The following RFC3 variants were observed in gnomAD, a reference collection of about 807,000 sequenced individuals.
RFC3 encodes the protein replication factor C subunit 3.
Under a neutral mutation model 45.1 loss-of-function variants are expected in RFC3, and 41 were observed. That is an observed-to-expected ratio of 0.91 (90% CI 0.71 to 1.18). RFC3 has a LOEUF of 1.18. RFC3 is among the 50% of genes most tolerant of loss of function. The probability of loss-of-function intolerance (pLI) is 0.00; values close to 1 mark genes in which losing one functional copy is unlikely to be tolerated. For missense variants in RFC3, 423 were observed against 428.1 expected (o/e 0.99, Z 0.10); for synonymous variants, 149 against 144.0 (o/e 1.03, Z -0.25).
At chr13:33,918,634 C>G (rs2082748136) in intron 8 of RFC3, among the ~76,000 whole-genome samples, 1 of 152,086 alleles carries the variant, frequency 6.6e-6, no homozygotes, top group African/African-American at 2.4e-5. Context: ...CAAGAAACCT[C>G]AAATAATAGC....
intron 8 of RFC3, among the ~76,000 whole-genome samples, chr13:33,882,350 C>T (rs1844830613): frequency 6.6e-6 from 1 of 151,632 alleles, no homozygotes; most frequent in Non-Finnish European, 1.5e-5. Context: ...CCACCATAGT[C>T]AGGACGCATA....
At position 33,915,798 on chromosome 13, in the gene RFC3, C is replaced by CTATA. The variant is rs5802698; in HGVS notation, c.880-50277_880-50274dup. Among the ~76,000 whole-genome samples the CTATA allele has an allele frequency of 8.3e-4, 125 of 150,086 alleles. 1 individual carries two copies. The highest frequency in any genetic ancestry group is 2.8e-3 in the African/African-American group (116 of 41,036). On this transcript the variant is annotated intron_variant, in intron 8 of 8. Coordinates refer to the RFC3 transcript ENST00000434425. Reference sequence around the variant, plus strand: ...AGGCAATAATTATATTTCTATATTTCTATATATATATATATTTTGAGAGAG... The same window carrying CTATA: ...AGGCAATAATTATATTTCTATATTTCTATATATATATATATATATTTTGAGAGAG...
At chr13:33,887,897 A>G (rs934942543) in intron 8 of RFC3, among the ~76,000 whole-genome samples, 2 of 152,124 alleles carry the variant, frequency 1.3e-5, no homozygotes, top group Non-Finnish European at 2.9e-5. Context: ...TCCTTTCCCC[A>G]TTTCTTGTTT....
intron 2 of RFC3, among the ~76,000 whole-genome samples, chr13:33,822,909 A>G (rs1479362167): frequency 6.6e-6 from 1 of 152,194 alleles, no homozygotes; most frequent in Non-Finnish European, 1.5e-5. Flanking sequence ...ATAGAAAAAG[A>G]TTGTCACAAA....
intron 8 of RFC3, among the ~76,000 whole-genome samples, chr13:33,939,698 C>T (rs549808880): frequency 2.7e-4 from 41 of 152,132 alleles, no homozygotes; most frequent in Non-Finnish European, 4.7e-4. Context: ...AAACTGGTGT[C>T]GGAAGCGGGA....
chr13:33,918,299 T>G (rs1343826657), intron 8 of RFC3, among the ~76,000 whole-genome samples: 1 of 152,220 alleles, frequency 6.6e-6, no homozygotes, highest in East Asian at 1.9e-4. Flanking sequence ...CTAGGGTTTC[T>G]GACCTCAGCA....
chr13:33,906,921 C>T (rs1010460480), intron 8 of RFC3, among the ~76,000 whole-genome samples: 1 of 151,966 alleles, frequency 6.6e-6, no homozygotes, highest in African/African-American at 2.4e-5. Context: ...CTCTGTGTCC[C>T]GAGTTCAGGT....
chr13:33,837,081 C>T lies in RFC3; in HGVS notation c.*786C>T, dbSNP rs2082161975. On this transcript the variant is annotated 3_prime_UTR_variant, in exon 9 of 9. Transcript: ENST00000380071. The stretch of plus-strand genomic sequence containing the variant: ...TTTGTGTGACAGACTCCGAACAATT[C>T]CTTTACTACGAAGTATAATTTATAA... 1.0e-6 allele frequency: 1 copy of T among 972,008 alleles called. No homozygotes were observed. The highest frequency in any genetic ancestry group is 1.2e-6 in the Non-Finnish European group (1 of 817,894). The allele number at this position is 972,008 out of a possible 1,614,324, so 60.2% of individuals were successfully genotyped here. A position where few individuals can be genotyped will look rare whatever the true frequency, so the allele number is the denominator to read the frequency against.
chr13:33,834,965 A>T (rs754247660), intron 7 of RFC3, among the ~76,000 whole-genome samples, 183 bp from the exon 8 acceptor site: 1 of 152,154 alleles, frequency 6.6e-6, no homozygotes. Flanking sequence ...AGTATGGTAA[A>T]CTATTTAAGA....
downstream of RFC3, among the ~76,000 whole-genome samples, chr13:33,837,796 C>G (rs1246757310): frequency 6.6e-6 from 1 of 151,940 alleles, no homozygotes; most frequent in African/African-American, 2.4e-5. Flanking sequence ...AGATAATTAA[C>G]TTTAGACTAT....
the RFC3 span, among the ~76,000 whole-genome samples, chr13:33,976,112 T>TTACTTTC: frequency 6.6e-6 from 1 of 152,126 alleles, no homozygotes; most frequent in Non-Finnish European, 1.5e-5. Flanking sequence ...CCAAAGAACG[T>TTACTTTC]AGGAAGTAAC....
At chr13:33,962,682 G>A (rs1455231495) in intron 8 of RFC3, among the ~76,000 whole-genome samples, 1 of 152,052 alleles carries the variant, frequency 6.6e-6, no homozygotes, top group Non-Finnish European at 1.5e-5. Flanking sequence ...AATAACAGAG[G>A]GAAATGCTTG....
intron 8 of RFC3, among the ~76,000 whole-genome samples, chr13:33,891,380 A>T (rs1325890032): frequency 6.6e-6 from 1 of 152,208 alleles, no homozygotes; most frequent in Non-Finnish European, 1.5e-5. Context: ...TCACCAGTAG[A>T]GGACTAAATG....
At chr13:33,925,740 G>A (rs2082807699) in intron 8 of RFC3, among the ~76,000 whole-genome samples, 1 of 151,630 alleles carries the variant, frequency 6.6e-6, no homozygotes, top group Admixed American at 6.6e-5. Context: ...TGTCAGTAGG[G>A]TGGAAATAGA....
chr13:33,968,749 A>G (rs1039411384), downstream of RFC3, among the ~76,000 whole-genome samples: 5 of 152,198 alleles, frequency 3.3e-5, no homozygotes, highest in South Asian at 2.1e-4. Context: ...CTTTGCCAGT[A>G]TATTCAGTGC....
chr13:33,834,769 A>G (rs1421083256), intron 7 of RFC3, among the ~76,000 whole-genome samples: 2 of 152,116 alleles, frequency 1.3e-5, no homozygotes, highest in East Asian at 3.9e-4. Flanking sequence ...AAGTTTGTTA[A>G]ATTCCATGGT....
rs563011266 is a variant in RFC3, at chr13:33,942,530, A to C, written c.880-23557A>C. 1.1e-4 allele frequency among the ~76,000 whole-genome samples: 16 copies of C among 152,246 alleles called. No homozygotes were observed. In the East Asian group the frequency reaches 3.1e-3, roughly 29 times the overall value. On this transcript the variant is annotated intron_variant, in intron 8 of 8. Transcript: ENST00000434425. ...ATTATGCACTTAGAGTTTCAACATCAATGGCAGTGGGCTCATCCATATTTC... is the reference window on the plus strand; with the variant it reads ...ATTATGCACTTAGAGTTTCAACATCCATGGCAGTGGGCTCATCCATATTTC...
At chr13:33,840,767 A>T (rs549348175), downstream of RFC3, among the ~76,000 whole-genome samples, 12 of 152,202 alleles carry the variant, frequency 7.9e-5, no homozygotes, top group African/African-American at 2.9e-4. Context: ...ATAACCTAGA[A>T]ATATCTTTTA....
intron 1 of RFC3, among the ~76,000 whole-genome samples, chr13:33,819,663 A>G (rs1249769577): frequency 6.6e-6 from 1 of 152,210 alleles, no homozygotes; most frequent in Non-Finnish European, 1.5e-5. Flanking sequence ...TTTTCCGTCA[A>G]TAGCTTTGTC....
Sources: allele counts gnomAD v4.1 joint callset (sites outside exome capture counted in the v4.1 genomes callset), GRCh38; gene constraint gnomAD v4.1.1; transcripts MANE v1.5; gene names NCBI Gene and HGNC (gene_info 2026-07-23, HGNC 2026-07-21).